Variants in PIK3C2G observed in about 807,000 individuals in gnomAD.
PIK3C2G encodes phosphatidylinositol 3-kinase C2 domain-containing subunit gamma.
A neutral mutation model predicts 181.1 loss-of-function variants in PIK3C2G; 168 were observed. The ratio of observed to expected loss-of-function variants is 0.93; its 90% confidence interval spans 0.82 to 1.05. The LOEUF (loss-of-function observed/expected upper bound fraction) is 1.05. PIK3C2G is among the 50% of genes least tolerant of loss of function. PIK3C2G has a pLI of 0.00. For synonymous variants in PIK3C2G, 573 were observed against 592.2 expected (o/e 0.97, Z 0.47); for missense variants, 1,869 against 1,732.8 (o/e 1.08, Z -1.40).
At chr12:18,319,634 T>C (rs1420378205) in intron 6 of PIK3C2G, among the ~76,000 whole-genome samples, 1 of 152,222 alleles carries the variant, frequency 6.6e-6, no homozygotes, top group Non-Finnish European at 1.5e-5. Flanking sequence ...ATGAATATGA[T>C]TATGCTTCAT....
At chr12:18,314,983 T>C (rs758459050) in intron 6 of PIK3C2G, among the ~76,000 whole-genome samples, 2 of 152,210 alleles carry the variant, frequency 1.3e-5, no homozygotes, top group Admixed American at 6.5e-5. Context: ...CCCTGTGTCA[T>C]GTTGTGAGTT....
chr12:18,438,469 G>A (rs1946564167), intron 18 of PIK3C2G, among the ~76,000 whole-genome samples: 1 of 151,854 alleles, frequency 6.6e-6, no homozygotes, highest in Admixed American at 6.6e-5. Context: ...GTCTTGACAA[G>A]ATTGTCTTAT....
intron 11 of PIK3C2G, among the ~76,000 whole-genome samples, chr12:18,359,381 G>A (rs992711421): frequency 1.3e-5 from 2 of 152,168 alleles, no homozygotes; most frequent in African/African-American, 4.8e-5. Flanking sequence ...GGTGTTTCCT[G>A]TTTGCTTCAG....
chr12:18,693,172 A>C, the PIK3C2G span: 18 of 1,550,882 alleles, frequency 1.2e-5, no homozygotes, highest in Non-Finnish European at 1.5e-5. Flanking sequence ...TCAGAACACT[A>C]CATCAGCATT....
intron 26 of PIK3C2G, among the ~76,000 whole-genome samples, chr12:18,559,821 TAGAGAGAGAGAGAGAGAG>T (rs1171468138): frequency 7.1e-4 from 13 of 18,366 alleles, no homozygotes; most frequent in Admixed American, 1.0e-3. Context: ...TATATATATA[TAGAGAGAGAGAGAGAGAG>T]AGAGAGAGAG....
At chr12:18,406,350 GAT>G (rs1400691954) in intron 16 of PIK3C2G, among the ~76,000 whole-genome samples, 1 of 152,136 alleles carries the variant, frequency 6.6e-6, no homozygotes, top group Non-Finnish European at 1.5e-5. Context: ...TGGGGGTACA[GAT>G]ATCTCTTTGA....
At chr12:18,634,921 C>T (rs1476537476) in intron 31 of PIK3C2G, among the ~76,000 whole-genome samples, 1 of 152,174 alleles carries the variant, frequency 6.6e-6, no homozygotes, top group Non-Finnish European at 1.5e-5. Flanking sequence ...CCCCAATCTT[C>T]TTGTCACCAG....
At chr12:18,307,369 T>C (rs1432687271) in intron 5 of PIK3C2G, among the ~76,000 whole-genome samples, 1 of 151,686 alleles carries the variant, frequency 6.6e-6, no homozygotes, top group Non-Finnish European at 1.5e-5. Context: ...TCCTAGGATA[T>C]GGGAAGAAAA....
chr12:18,723,903 A>G, the PIK3C2G span, among the ~76,000 whole-genome samples: 1 of 152,090 alleles, frequency 6.6e-6, no homozygotes, highest in Non-Finnish European at 1.5e-5. Flanking sequence ...AGCCTGGACC[A>G]TATATGTCAG....
chr12:18,293,892 TTTC>T lies in PIK3C2G; in HGVS notation c.920-6_920-4del. ...TTTATTGACTTTTATTATTCCTCTT[TTTC>T]TTTAGCTAATTATCTTGTCAAAGAT... is the stretch of plus-strand genomic sequence containing the variant. On this transcript the variant is annotated splice_polypyrimidine_tract_variant and splice_region_variant and intron_variant, in intron 4 of 32. Transcript: ENST00000538779. 2 of 1,355,366 alleles carry T rather than the reference TTTC, an allele frequency of 1.5e-6. No individual in the cohort carries two copies. Among genetic ancestry groups the T allele is most frequent in the Non-Finnish European group, 2.1e-6 (2 of 945,648 alleles). The allele number at this position is 1,355,366 out of a possible 1,614,324, so 84.0% of individuals were successfully genotyped here.
At chr12:18,475,862 C>T (rs536026377) in intron 18 of PIK3C2G, among the ~76,000 whole-genome samples, 3 of 152,136 alleles carry the variant, frequency 2.0e-5, no homozygotes, top group East Asian at 1.9e-4. Context: ...TTAGTTTGGG[C>T]TCATATTCCA....
At position 18,528,075 on chromosome 12, in the gene PIK3C2G, C is replaced by T. The variant is rs1044476233; in HGVS notation, c.3324-10081C>T. Among the ~76,000 whole-genome samples the T allele has an allele frequency of 5.9e-5, 9 of 152,110 alleles. No homozygotes were observed. The East Asian group carries it at 1.7e-3, about 29-fold the overall frequency. ...AATGTTCTTTCTATAATAGTACATG[C>T]ACTCTCATGTTCTCATCATATTGTA... On this transcript the variant is annotated intron_variant, in intron 24 of 32. Coordinates refer to ENST00000538779, the MANE Select transcript of PIK3C2G (RefSeq NM_001288772.2).
intron 29 of PIK3C2G, among the ~76,000 whole-genome samples, chr12:18,576,972 G>A (rs1461637367): frequency 6.6e-6 from 1 of 152,168 alleles, no homozygotes; most frequent in Non-Finnish European, 1.5e-5. Flanking sequence ...GCAGTTTGGA[G>A]ACAATACCTG....
At chr12:18,533,282 A>C (rs770229345) in intron 24 of PIK3C2G, among the ~76,000 whole-genome samples, 9 of 152,110 alleles carry the variant, frequency 5.9e-5, no homozygotes, top group Non-Finnish European at 8.8e-5. Context: ...AGCCACCTCA[A>C]ATATAACTTA....
chr12:18,673,887 T>C, the PIK3C2G span, among the ~76,000 whole-genome samples: 2 of 152,206 alleles, frequency 1.3e-5, no homozygotes, highest in African/African-American at 4.8e-5. Context: ...CTCTTTCACA[T>C]GGCAGCTTGC....
At chr12:18,358,675 AC>A in intron 11 of PIK3C2G, 1 of 498,528 alleles carries the variant, frequency 2.0e-6, no homozygotes, top group East Asian at 5.6e-5. Context: ...ATCCTGTCCC[AC>A]AAAATCCTCA....
chr12:18,321,150 T>G (rs1230156314), intron 7 of PIK3C2G, 118 bp downstream of exon 7: 1 of 603,090 alleles, frequency 1.7e-6, no homozygotes, highest in Middle Eastern at 4.6e-4. Context: ...TGGAAGCTAT[T>G]GTACTTTTAA....
chr12:18,583,870 G>T (rs140424986), intron 29 of PIK3C2G, among the ~76,000 whole-genome samples: 1 of 152,128 alleles, frequency 6.6e-6, no homozygotes, highest in Non-Finnish European at 1.5e-5. Context: ...ACTAGGCTGA[G>T]TTGGCTGGAA....
In PIK3C2G at chr12:18,505,326, G is replaced by C; in HGVS notation, c.3188G>C (p.Trp1063Ser). ...LRNFFYSCAG[W>S]CVVTFILGVC... ...AACTTTTTCTACTCCTGTGCTGGCT[G>C]GTGTGTGGTAACATTCATCCTGGGA... The change falls in exon 24 of 33, where the codon TGG (tryptophan) becomes TCG (serine). Residue 1063 changes from tryptophan (W) to serine (S), a missense_variant. Trp to Ser is a radical substitution (Grantham distance 177). Transcript: ENST00000538779. 1 of 1,611,324 alleles carries C rather than the reference G, an allele frequency of 6.2e-7. No individual in the cohort carries two copies. The highest frequency in any genetic ancestry group is 8.5e-7 in the Non-Finnish European group (1 of 1,178,412).
Sources: gnomAD v4.1 joint callset for allele counts (sites outside exome capture counted in the v4.1 genomes callset) on GRCh38, gnomAD v4.1.1 for gene constraint, MANE v1.5 for transcripts, NCBI Gene and HGNC (gene_info 2026-07-23, HGNC 2026-07-21) for gene names.